The following CCZ1 variants were observed in gnomAD, a reference collection of about 807,000 sequenced individuals.
CCZ1 encodes the protein CCZ1 vacuolar protein trafficking and biogenesis associated.
A neutral mutation model predicts 57.8 loss-of-function variants in CCZ1; 19 were observed. The observed-to-expected ratio is 0.33, with a 90% CI of 0.23 to 0.48. The LOEUF is 0.48. Among genes scored for constraint, CCZ1 ranks in the 20% least tolerant of loss-of-function variants. The pLI is 0.99. For missense variants in CCZ1, 200 were observed against 492.0 expected, an observed-to-expected ratio of 0.41 and a Z score of 5.61; for synonymous variants, 81 against 167.0, an observed-to-expected ratio of 0.49 and a Z score of 3.97.
At chr7:5,909,044 G>A (rs1215928337) in intron 7 of CCZ1, among the ~76,000 whole-genome samples, 1 of 146,448 alleles carries the variant, frequency 6.8e-6, no homozygotes, top group Non-Finnish European at 1.5e-5. Context: ...AAACAGTGTG[G>A]CTTTGGAGGT....
chr7:5,899,378 TGTGTG>T (rs1781631132), intron 1 of CCZ1, among the ~76,000 whole-genome samples: 7 of 98,998 alleles, frequency 7.1e-5, no homozygotes, highest in Non-Finnish European at 1.1e-4. Flanking sequence ...TGTGTGTGTG[TGTGTG>T]GTTTTTCTGA....
chr7:5,904,934 C>T (rs1186387753), intron 6 of CCZ1, among the ~76,000 whole-genome samples, 160 bp from the exon 7 acceptor site: 4 of 148,482 alleles, frequency 2.7e-5, no homozygotes, highest in Admixed American at 6.6e-5. Flanking sequence ...AGTTGGCACT[C>T]AGTTACCCAT....
intron 4 of CCZ1, chr7:5,901,408 C>T (rs527409463): frequency 1.4e-4 from 60 of 421,766 alleles, no homozygotes; most frequent in Middle Eastern, 6.5e-4. Flanking sequence ...TCGCTTGAAC[C>T]GGGGACGCAA....
chr7:5,916,805 T>A (rs1169690262), intron 10 of CCZ1, among the ~76,000 whole-genome samples: 2 of 136,188 alleles, frequency 1.5e-5, no homozygotes, highest in African/African-American at 6.1e-5. Context: ...GATATTGGCC[T>A]GTAGTTTTGT....
At chr7:5,912,376 C>G (rs1583188013) in intron 9 of CCZ1, among the ~76,000 whole-genome samples, 1 of 99,850 alleles carries the variant, frequency 1.0e-5, no homozygotes, top group South Asian at 3.7e-4. Context: ...TTCAGCATAC[C>G]CTTTTTTTTT....
intron 10 of CCZ1, among the ~76,000 whole-genome samples, chr7:5,914,345 A>G (rs1427665074): frequency 6.7e-6 from 1 of 148,722 alleles, no homozygotes; most frequent in African/African-American, 2.5e-5. Context: ...CTGAGGCAGG[A>G]GAACCGCTTG....
intron 7 of CCZ1, among the ~76,000 whole-genome samples, chr7:5,906,073 T>G (rs1297379576): frequency 1.4e-5 from 2 of 146,686 alleles, no homozygotes; most frequent in African/African-American, 2.5e-5. Context: ...TCTTTTTTTT[T>G]AATCCAAGAA....
At chr7:5,910,698 G>T (rs1251829750) in intron 8 of CCZ1, among the ~76,000 whole-genome samples, 1 of 120,076 alleles carries the variant, frequency 8.3e-6, no homozygotes. Context: ...TTTAATTTAT[G>T]TATTTTATTT....
intron 9 of CCZ1, among the ~76,000 whole-genome samples, 163 bp from the exon 10 acceptor site, chr7:5,912,680 A>T (rs1445219313): frequency 6.6e-6 from 1 of 151,144 alleles, no homozygotes; most frequent in Middle Eastern, 3.2e-3. Flanking sequence ...GATTACAGGC[A>T]TGAGCCACCA....
At chr7:5,908,670 G>A (rs1260109388) in intron 7 of CCZ1, among the ~76,000 whole-genome samples, 1 of 146,890 alleles carries the variant, frequency 6.8e-6, no homozygotes, top group African/African-American at 2.5e-5. Context: ...GTGAGCTTCC[G>A]CGCCCGACCA....
chr7:5,907,145 C>T (rs1781849306), intron 7 of CCZ1, among the ~76,000 whole-genome samples: 1 of 149,756 alleles, frequency 6.7e-6, no homozygotes, highest in African/African-American at 2.5e-5. Flanking sequence ...AGGTGTGAGC[C>T]ACTGTGCCCC....
At chr7:5,910,329 G>A (rs1278351947) in intron 8 of CCZ1, 3 of 434,432 alleles carry the variant, frequency 6.9e-6, no homozygotes, top group Non-Finnish European at 4.0e-6. Context: ...AGAAAGCATC[G>A]TTTTGTGTGT....
chr7:5,905,781 C>CAAAAAAAA (rs796636886), intron 7 of CCZ1, among the ~76,000 whole-genome samples: 2 of 44,350 alleles, frequency 4.5e-5, no homozygotes, highest in Admixed American at 3.8e-4. Flanking sequence ...ACTCTGTCTC[C>CAAAAAAAA]AAAAAAAAAA....
rs1168518654 is a variant in CCZ1, at chr7:5,908,529, C to T, written c.699-1506C>T. 2.2e-4 allele frequency among the ~76,000 whole-genome samples: 32 copies of T among 147,922 alleles called. 2 individuals carry two copies. The highest frequency in any genetic ancestry group is 8.0e-4 in the African/African-American group (32 of 39,810). On this transcript the variant is annotated intron_variant, in intron 7 of 14. Coordinates refer to ENST00000325974, the MANE Select transcript of CCZ1 (RefSeq NM_015622.6). ...AAGTAGCTGGGATTAGAGGTGTGTG[C>T]TATCAGGCCTAGCAAATTTTTATAT...
At chr7:5,909,913 T>G (rs1267569829) in intron 7 of CCZ1, 122 bp from the exon 8 acceptor site, 1 of 705,152 alleles carries the variant, frequency 1.4e-6, no homozygotes, top group Non-Finnish European at 2.4e-6. Context: ...AAAGTTAGAA[T>G]TTATTCTGTG....
intron 12 of CCZ1, among the ~76,000 whole-genome samples, chr7:5,921,120 T>G (rs1488866503): frequency 1.9e-5 from 2 of 108,028 alleles, no homozygotes; most frequent in East Asian, 2.4e-4. Context: ...TTGTAGAGAC[T>G]GGGTTTTACC....
At chr7:5,924,410 C>T (rs184552077) in intron 14 of CCZ1, among the ~76,000 whole-genome samples, 3,888 of 77,706 alleles carry the variant, frequency 0.05, 765 homozygotes, top group Non-Finnish European at 0.081. Flanking sequence ...CAGCTAATTT[C>T]TTTTTTTTTT....
At chr7:5,909,599 T>C (rs2128612285) in intron 7 of CCZ1, among the ~76,000 whole-genome samples, 2 of 147,474 alleles carry the variant, frequency 1.4e-5, no homozygotes, top group South Asian at 4.4e-4. Context: ...GTCTGGAGGC[T>C]GAGATGGGAG....
chr7:5,906,610 A>G (rs1781832302), intron 7 of CCZ1, among the ~76,000 whole-genome samples: 1 of 148,972 alleles, frequency 6.7e-6, no homozygotes, highest in Admixed American at 6.6e-5. Context: ...GGTGTGAGCC[A>G]CTGCACCTGG....
Sources: allele counts gnomAD v4.1 joint callset (sites outside exome capture counted in the v4.1 genomes callset), GRCh38; gene constraint gnomAD v4.1.1; transcripts MANE v1.5; gene names NCBI Gene and HGNC (gene_info 2026-07-23, HGNC 2026-07-21).